SLC5A4: variants seen among roughly 807,000 people sequenced by gnomAD.
The protein encoded by SLC5A4 is probable glucose sensor protein SLC5A4.
Under a neutral mutation model 70.3 loss-of-function variants are expected in SLC5A4, and 55 were observed. The ratio of observed to expected loss-of-function variants is 0.78; its 90% CI spans 0.63 to 0.98. The LOEUF is 0.98. Ranked by LOEUF, SLC5A4 falls within the 50% of genes least tolerant of loss-of-function variation. The pLI is 0.00. For missense variants in SLC5A4, 735 were observed against 839.2 expected, an observed-to-expected ratio of 0.88 and a Z score of 1.53; for synonymous variants, 268 against 305.7, an observed-to-expected ratio of 0.88 and a Z score of 1.29.
chr22:32,255,298 G>A lies in SLC5A4; in HGVS notation c.32C>T (p.Ala11Val), dbSNP rs770873865. The part of the protein sequence containing the change: MASTVSPSTI[A>V]ETPEPPPLSD... ...CAATGGAGGTGGCTCTGGGGTCTCAGCTATGGTGCTGGGGCTAACCGTACT... is the reference window on the plus strand; with the variant it reads ...CAATGGAGGTGGCTCTGGGGTCTCAACTATGGTGCTGGGGCTAACCGTACT... Residue 11 changes from alanine to valine, a missense_variant, in exon 1 of 15, where the codon GCT becomes GTT. Ala to Val is a moderately conservative substitution (Grantham distance 64). Coordinates refer to ENST00000266086, the MANE Select transcript of SLC5A4 (RefSeq NM_014227.3). 3.7e-6 allele frequency: 6 copies of A among 1,614,150 alleles called. No individual in the cohort carries two copies. In the East Asian group the frequency reaches 6.7e-5, roughly 18 times the overall value.
chr22:32,229,089 G>A lies in SLC5A4; in HGVS notation c.1280+105C>T, dbSNP rs116716028. The A allele has an allele frequency of 2.1e-3, 2,207 of 1,051,786 alleles. 35 individuals carry two copies. In the African/African-American group the frequency reaches 0.03, roughly 14 times the overall value. The allele number at this position is 1,051,786 out of a possible 1,614,324, so 65.2% of individuals were successfully genotyped here. A position where few individuals can be genotyped will look rare whatever the true frequency, so the allele number is the denominator to read the frequency against. On this transcript the variant is annotated intron_variant, in intron 11 of 14. Coordinates refer to ENST00000266086, the MANE Select transcript of SLC5A4 (RefSeq NM_014227.3). Reference sequence around the variant, plus strand: ...CTCCAATGTCTCTTCCCTCTACCCAGATGCTATGATTACTTTCACCAAAGC... The same window carrying A: ...CTCCAATGTCTCTTCCCTCTACCCAAATGCTATGATTACTTTCACCAAAGC...
chr22:32,284,479 G>A, the SLC5A4 span, among the ~76,000 whole-genome samples: 25 of 152,166 alleles, frequency 1.6e-4, no homozygotes, highest in Non-Finnish European at 7.3e-5. Flanking sequence ...TCACATGGCT[G>A]GGGGTTGATG....
the SLC5A4 span, among the ~76,000 whole-genome samples, chr22:32,304,149 G>C: frequency 2.0e-5 from 3 of 151,296 alleles, no homozygotes; most frequent in Admixed American, 2.0e-4. Context: ...TCTTTTTTTT[G>C]AGAGTCTTGC....
the SLC5A4 span, among the ~76,000 whole-genome samples, chr22:32,322,766 T>A: frequency 6.6e-6 from 1 of 152,078 alleles, no homozygotes; most frequent in South Asian, 2.1e-4. Flanking sequence ...CAGGCAGATA[T>A]TCTCACATGC....
the SLC5A4 span, among the ~76,000 whole-genome samples, chr22:32,301,748 C>T: frequency 6.6e-6 from 1 of 152,080 alleles, no homozygotes; most frequent in South Asian, 2.1e-4. Flanking sequence ...CTCAGACTTC[C>T]CAGTTTTAAA....
the SLC5A4 span, among the ~76,000 whole-genome samples, chr22:32,309,631 C>T: frequency 6.6e-6 from 1 of 152,028 alleles, no homozygotes; most frequent in African/African-American, 2.4e-5. Context: ...TTCAGGAGCC[C>T]TTGACACCAC....
the SLC5A4 span, among the ~76,000 whole-genome samples, chr22:32,301,342 T>A: frequency 6.6e-6 from 1 of 152,220 alleles, no homozygotes; most frequent in South Asian, 2.1e-4. Flanking sequence ...CAAGGTTTTT[T>A]ATTTTTGCTA....
chr22:32,229,473 G>A, intron 10 of SLC5A4, 129 bp from the exon 11 acceptor site: 1 of 904,146 alleles, frequency 1.1e-6, no homozygotes, highest in Non-Finnish European at 1.6e-6. Context: ...ATACACATCA[G>A]CATGTGGAGT....
intron 8 of SLC5A4, 78 bp downstream of exon 8, chr22:32,234,795 A>G (rs1925962239): frequency 6.7e-6 from 7 of 1,040,142 alleles, no homozygotes; most frequent in Non-Finnish European, 4.4e-6. Flanking sequence ...ATGAGACAAG[A>G]AAGAACAAGC....
chr22:32,270,204 T>C, the SLC5A4 span: 1 of 668,002 alleles, frequency 1.5e-6, no homozygotes, highest in Non-Finnish European at 2.8e-6. Flanking sequence ...TTGAGGTGTG[T>C]GACAGCATCC....
At chr22:32,218,867 T>C in intron 14 of SLC5A4, 142 bp from the exon 15 acceptor site, 2 of 621,994 alleles carry the variant, frequency 3.2e-6, no homozygotes, top group South Asian at 4.5e-5. Flanking sequence ...AAAATGTAGA[T>C]AAATTTAATC....
chr22:32,244,467 T>C (rs889638057), intron 5 of SLC5A4, among the ~76,000 whole-genome samples: 2 of 152,236 alleles, frequency 1.3e-5, no homozygotes, highest in Non-Finnish European at 2.9e-5. Flanking sequence ...GTTTCTATTA[T>C]ATAGTACTAT....
At chr22:32,318,565 A>T in the SLC5A4 span, among the ~76,000 whole-genome samples, 3 of 152,026 alleles carry the variant, frequency 2.0e-5, no homozygotes, top group African/African-American at 7.2e-5. Context: ...AGCAAATCCC[A>T]TTGGCCCTTC....
At chr22:32,310,345 C>T in the SLC5A4 span, among the ~76,000 whole-genome samples, 1 of 152,192 alleles carries the variant, frequency 6.6e-6, no homozygotes, top group East Asian at 1.9e-4. Context: ...CAGACCTTGC[C>T]TGAGGTCCCG....
chr22:32,305,392 TGTGTGCCAGG>T, the SLC5A4 span, among the ~76,000 whole-genome samples: 3 of 137,014 alleles, frequency 2.2e-5, no homozygotes, highest in African/African-American at 8.4e-5. Context: ...GATCTCTGAT[TGTGTGCCAGG>T]AAAGATATAT....
chr22:32,226,391 A>C (rs1368724117), intron 11 of SLC5A4, among the ~76,000 whole-genome samples: 20 of 152,198 alleles, frequency 1.3e-4, no homozygotes, highest in Admixed American at 1.2e-3. Flanking sequence ...AACCTTTCTA[A>C]ACTGCAGCAT....
the SLC5A4 span, among the ~76,000 whole-genome samples, chr22:32,338,403 C>T: frequency 1.3e-5 from 2 of 152,096 alleles, no homozygotes; most frequent in Admixed American, 6.6e-5. Flanking sequence ...AGTTCTAGCA[C>T]TTTGGGAGGC....
chr22:32,291,711 C>A, the SLC5A4 span, among the ~76,000 whole-genome samples: 1 of 151,986 alleles, frequency 6.6e-6, no homozygotes, highest in Non-Finnish European at 1.5e-5. Context: ...TAATATGTAA[C>A]AATTCCCTTA....
Position 32,254,070 on chromosome 22 carries a change from C to T in SLC5A4, c.207+72G>A, listed in dbSNP as rs372016799. The T allele has an allele frequency of 1.9e-4, 226 of 1,211,828 alleles. 1 individual carries two copies. The highest frequency in any genetic ancestry group is 1.4e-3 in the Admixed American group (85 of 59,442). The allele number at this position is 1,211,828 out of a possible 1,614,324, so 75.1% of individuals were successfully genotyped here. A position where few individuals can be genotyped will look rare whatever the true frequency, so the allele number is the denominator to read the frequency against. ...TGCTGGGATTACAGGCGTGAGACAC[C>T]GCACCCAGCCTACATTCAGTTTTAA... On this transcript the variant is annotated intron_variant, in intron 2 of 14. Coordinates refer to ENST00000266086, the MANE Select transcript of SLC5A4 (RefSeq NM_014227.3).
Sources: gnomAD v4.1 joint callset for allele counts (sites outside exome capture counted in the v4.1 genomes callset) on GRCh38, gnomAD v4.1.1 for gene constraint, MANE v1.5 for transcripts, NCBI Gene and HGNC (gene_info 2026-07-23, HGNC 2026-07-21) for gene names.